CACNA2D3: variants seen among roughly 807,000 people sequenced by gnomAD.
The protein encoded by CACNA2D3 is calcium voltage-gated channel auxiliary subunit alpha2delta 3.
Under a neutral mutation model 160.6 loss-of-function variants are expected in CACNA2D3, and 60 were observed. That is an observed-to-expected ratio of 0.37 (90% CI 0.30 to 0.46). CACNA2D3 has a LOEUF of 0.46. Among genes scored for constraint, CACNA2D3 ranks in the 20% least tolerant of loss-of-function variants. CACNA2D3 has a pLI of 1.00. For synonymous variants in CACNA2D3, 558 were observed against 492.9 expected (o/e 1.13, Z -1.75); for missense variants, 1,205 against 1,365.0 (o/e 0.88, Z 1.85).
intron 2 of CACNA2D3, among the ~76,000 whole-genome samples, chr3:54,165,745 C>T (rs1700443172): frequency 6.6e-6 from 1 of 151,992 alleles, no homozygotes; most frequent in Non-Finnish European, 1.5e-5. Flanking sequence ...CTGCAGTGAG[C>T]CATGCGCATG....
chr3:54,973,149 C>T (rs1470489287), intron 29 of CACNA2D3, among the ~76,000 whole-genome samples: 1 of 152,062 alleles, frequency 6.6e-6, no homozygotes, highest in East Asian at 2.0e-4. Context: ...CTGAGAAGAG[C>T]TTTGCAAGCA....
rs1011741772 is a variant in CACNA2D3 at position 54,720,813 on chromosome 3, G to A, written c.1168-31786G>A. ...TTTAAGGTTGTCATATTTTCCTGTC[G>A]AATCAGCTCTTTTATTATTACATCT... On this transcript the variant is annotated intron_variant, in intron 11 of 37. Coordinates refer to ENST00000474759, the MANE Select transcript of CACNA2D3 (RefSeq NM_018398.3). 2.6e-5 allele frequency among the ~76,000 whole-genome samples: 4 copies of A among 151,926 alleles called. No homozygotes were observed. The South Asian group carries it at 6.2e-4, about 24-fold the overall frequency.
rs757838355 is a variant in CACNA2D3, at chr3:54,687,121, C to CTTTTTTTTTTTTTTTTTT, written c.1167+44893_1167+44894insTTTTTTTTTTTTTTTTTT. 1.8e-3 allele frequency among the ~76,000 whole-genome samples: 169 copies of CTTTTTTTTTTTTTTTTTT among 94,938 alleles called. 13 individuals are homozygous for CTTTTTTTTTTTTTTTTTT. Among genetic ancestry groups the CTTTTTTTTTTTTTTTTTT allele is most frequent in the Non-Finnish European group, 2.1e-3 (101 of 48,064 alleles). 62.3% of individuals were successfully genotyped at this position (94,938 alleles called of 152,430 possible). On this transcript the variant is annotated intron_variant, in intron 11 of 37. Transcript: ENST00000474759. Reference sequence around the variant, plus strand: ...AAATCGGATTTTTCTTTTTCTTTTTCTTTTTTTTTTTTTGTTTTTTTTTTT... The same window carrying CTTTTTTTTTTTTTTTTTT: ...AAATCGGATTTTTCTTTTTCTTTTTCTTTTTTTTTTTTTTTTTTTTTTTTTTTTTTTGTTTTTTTTTTT...
At chr3:54,654,611 C>T (rs1699842419) in intron 11 of CACNA2D3, among the ~76,000 whole-genome samples, 1 of 152,118 alleles carries the variant, frequency 6.6e-6, no homozygotes, top group South Asian at 2.1e-4. Flanking sequence ...GGGAGAAGCT[C>T]TATCAGGCTG....
At chr3:54,856,182 A>C (rs375192775) in intron 17 of CACNA2D3, among the ~76,000 whole-genome samples, 27 of 152,270 alleles carry the variant, frequency 1.8e-4, no homozygotes, top group East Asian at 1.5e-3. Context: ...ACGAGAGAAA[A>C]CCCATGTGTA....
At chr3:54,365,392 A>T (rs764114487) in intron 3 of CACNA2D3, among the ~76,000 whole-genome samples, 2 of 152,232 alleles carry the variant, frequency 1.3e-5, no homozygotes, top group Non-Finnish European at 2.9e-5. Flanking sequence ...CAAGTAAAGA[A>T]GTCATGAGGA....
intron 4 of CACNA2D3, among the ~76,000 whole-genome samples, chr3:54,496,906 A>T (rs1466100159): frequency 6.6e-6 from 1 of 152,084 alleles, no homozygotes; most frequent in Non-Finnish European, 1.5e-5. Flanking sequence ...AAGCACCTTT[A>T]TTTGATGTCA....
intron 11 of CACNA2D3, among the ~76,000 whole-genome samples, chr3:54,687,100 C>A (rs957061091): frequency 2.7e-5 from 3 of 113,156 alleles, no homozygotes; most frequent in South Asian, 5.8e-4. Context: ...TTATTCAAAT[C>A]GGATTTTTCT....
intron 24 of CACNA2D3, among the ~76,000 whole-genome samples, chr3:54,890,495 CAA>C (rs34740812): frequency 1.6e-4 from 10 of 60,850 alleles, no homozygotes; most frequent in African/African-American, 5.1e-4. Context: ...GACTCCGTCT[CAA>C]AAAAAAAAAA....
chr3:54,643,561 A>G (rs1699569688), intron 11 of CACNA2D3, among the ~76,000 whole-genome samples: 1 of 152,238 alleles, frequency 6.6e-6, no homozygotes, highest in Non-Finnish European at 1.5e-5. Flanking sequence ...TTGATCAACC[A>G]TAAACACTGA....
intron 13 of CACNA2D3, among the ~76,000 whole-genome samples, chr3:54,806,401 C>T (rs548881119): frequency 2.9e-4 from 44 of 152,312 alleles, no homozygotes; most frequent in African/African-American, 1.0e-3. Context: ...CATTCTTATA[C>T]ACCAATAGCG....
At chr3:54,471,655 C>T (rs933096830) in intron 4 of CACNA2D3, among the ~76,000 whole-genome samples, 1 of 151,480 alleles carries the variant, frequency 6.6e-6, no homozygotes, top group Non-Finnish European at 1.5e-5. Flanking sequence ...GACCACTAGC[C>T]AGACTAATAA....
chr3:54,288,697 A>G (rs200973151), intron 2 of CACNA2D3, among the ~76,000 whole-genome samples: 31,057 of 152,020 alleles, frequency 0.2, 3,326 homozygotes, highest in East Asian at 0.25. Flanking sequence ...AACTGAATCC[A>G]GCAGCACATC....
chr3:54,671,713 G>C (rs1700166788), intron 11 of CACNA2D3, among the ~76,000 whole-genome samples: 1 of 152,182 alleles, frequency 6.6e-6, no homozygotes, highest in Admixed American at 6.5e-5. Flanking sequence ...ATAGTCCATG[G>C]AGGGAGGGGA....
intron 2 of CACNA2D3, among the ~76,000 whole-genome samples, chr3:54,255,771 C>G (rs1235595915): frequency 1.3e-5 from 2 of 152,160 alleles, no homozygotes; most frequent in Non-Finnish European, 2.9e-5. Flanking sequence ...TACCTAAGAG[C>G]CTCTTCTTTA....
chr3:54,970,444 C>CCTCCT (rs1702244489), intron 29 of CACNA2D3, among the ~76,000 whole-genome samples: 1 of 60,346 alleles, frequency 1.7e-5, no homozygotes, highest in Non-Finnish European at 3.7e-5. Flanking sequence ...CCTCCCCTCC[C>CCTCCT]CTCCCCTCCT....
At chr3:54,267,518 G>T (rs1702541350) in intron 2 of CACNA2D3, among the ~76,000 whole-genome samples, 1 of 152,196 alleles carries the variant, frequency 6.6e-6, no homozygotes, top group South Asian at 2.1e-4. Context: ...TAGATACCCA[G>T]TACTTCATCT....
intron 11 of CACNA2D3, among the ~76,000 whole-genome samples, chr3:54,729,172 C>T (rs1701335671): frequency 1.3e-5 from 2 of 152,234 alleles, no homozygotes; most frequent in East Asian, 1.9e-4. Context: ...CCACCCGCCT[C>T]GGCCTCCCAA....
intron 13 of CACNA2D3, among the ~76,000 whole-genome samples, chr3:54,781,872 T>A (rs1702544308): frequency 1.3e-5 from 2 of 152,172 alleles, no homozygotes; most frequent in Non-Finnish European, 2.9e-5. Context: ...TCAGCTAACG[T>A]TCTATTTGGA....
Sources: gnomAD v4.1 joint callset for allele counts (sites outside exome capture counted in the v4.1 genomes callset) on GRCh38, gnomAD v4.1.1 for gene constraint, MANE v1.5 for transcripts, NCBI Gene and HGNC (gene_info 2026-07-23, HGNC 2026-07-21) for gene names.